The following KIF26B variants were observed in gnomAD, a reference collection of about 807,000 sequenced individuals.
KIF26B encodes the protein kinesin family member 26B, also known as kinesin-like protein KIF26B.
KIF26B carries 63 observed loss-of-function variants against 151.2 expected under a neutral mutation model. The observed-to-expected ratio is 0.42, with a 90% CI of 0.34 to 0.51. The LOEUF is 0.51. KIF26B is among the 20% of genes least tolerant of loss of function. The probability of loss-of-function intolerance (pLI) is 0.07; values close to 1 mark genes in which losing one functional copy is unlikely to be tolerated. For synonymous variants in KIF26B, 1,357 were observed against 1,262.1 expected (o/e 1.08, Z -1.59); for missense variants, 2,813 against 2,913.6 (o/e 0.97, Z 0.79).
intron 4 of KIF26B, among the ~76,000 whole-genome samples, chr1:245,423,910 C>T (rs1251381614): frequency 6.6e-6 from 1 of 152,088 alleles, no homozygotes. Context: ...GTAATCACAG[C>T]TCACTGCAGC....
Position 245,445,585 on chromosome 1 carries a change from G to A in KIF26B, c.1166+25840G>A, listed in dbSNP as rs139266480. Among the ~76,000 whole-genome samples, 5 of 152,296 alleles carry A rather than the reference G, an allele frequency of 3.3e-5. No homozygotes were observed. The East Asian group carries it at 9.6e-4, about 29-fold the overall frequency. Reference sequence around the variant, plus strand: ...GTTGAAGCTGAGTGACAGACACATAGGCTATTCTATTTTTGTATATGTTTA... The same window carrying A: ...GTTGAAGCTGAGTGACAGACACATAAGCTATTCTATTTTTGTATATGTTTA... On this transcript the variant is annotated intron_variant, in intron 4 of 14. Transcript: ENST00000407071.
chr1:245,634,656 A>G (rs77996261), intron 9 of KIF26B, among the ~76,000 whole-genome samples: 4,384 of 152,170 alleles, frequency 0.029, 217 homozygotes, highest in African/African-American at 0.099. Context: ...TCAACCTTGC[A>G]TTCCTGAAAT....
chr1:245,615,149 T>A (rs986123580), intron 9 of KIF26B: 1 of 152,168 alleles, frequency 6.6e-6, no homozygotes, highest in African/African-American at 2.4e-5. Flanking sequence ...TGACAAATGT[T>A]TAGTTTATTC....
intron 10 of KIF26B, among the ~76,000 whole-genome samples, chr1:245,652,138 GTGTGT>G (rs1558252851): frequency 6.5e-5 from 9 of 137,746 alleles, no homozygotes; most frequent in African/African-American, 1.5e-4. Context: ...GTGTGTGTGT[GTGTGT>G]GTGAGAGAGA....
At chr1:245,190,785 C>T (rs376863584) in intron 2 of KIF26B, among the ~76,000 whole-genome samples, 4 of 151,688 alleles carry the variant, frequency 2.6e-5, no homozygotes, top group Admixed American at 6.6e-5. Context: ...CCAGGCTGGG[C>T]GTGGTGGCTC....
At chr1:245,295,020 A>C (rs1458079549) in intron 2 of KIF26B, among the ~76,000 whole-genome samples, 1 of 152,124 alleles carries the variant, frequency 6.6e-6, no homozygotes. Flanking sequence ...GACTGCTCTC[A>C]TATTTTCTAA....
chr1:245,388,438 G>A (rs1176744027), intron 3 of KIF26B, among the ~76,000 whole-genome samples: 2 of 152,298 alleles, frequency 1.3e-5, no homozygotes, highest in South Asian at 2.1e-4. Flanking sequence ...TCACATTGAC[G>A]TCCCAGTCCT....
At chr1:245,578,216 G>GGA (rs2043144144) in intron 5 of KIF26B, among the ~76,000 whole-genome samples, 1 of 152,238 alleles carries the variant, frequency 6.6e-6, no homozygotes, top group South Asian at 2.1e-4. Context: ...AAGAACAGAA[G>GGA]AGGCGGAGGA....
intron 9 of KIF26B, among the ~76,000 whole-genome samples, chr1:245,642,606 T>C (rs2043905437): frequency 6.8e-6 from 1 of 147,858 alleles, no homozygotes; most frequent in Non-Finnish European, 1.5e-5. Context: ...CTGGCATACC[T>C]GCCACATTGG....
intron 5 of KIF26B, among the ~76,000 whole-genome samples, chr1:245,547,615 C>A (rs1008623487): frequency 1.4e-5 from 2 of 147,090 alleles, no homozygotes; most frequent in African/African-American, 5.0e-5. Context: ...AAGTGTGAAG[C>A]CATTTTCATT....
chr1:245,620,639 C>T (rs181757864), intron 9 of KIF26B, among the ~76,000 whole-genome samples: 24 of 152,194 alleles, frequency 1.6e-4, no homozygotes, highest in Admixed American at 1.3e-3. Flanking sequence ...TGAGCTCAGG[C>T]GATCCACCTG....
chr1:245,285,544 C>T (rs1573753203), intron 2 of KIF26B, among the ~76,000 whole-genome samples: 3 of 150,980 alleles, frequency 2.0e-5, no homozygotes, highest in South Asian at 4.2e-4. Flanking sequence ...CAAACGTTTA[C>T]ATTTCCTGAG....
At chr1:245,669,976 G>A (rs1040947736) in intron 10 of KIF26B, among the ~76,000 whole-genome samples, 6 of 152,090 alleles carry the variant, frequency 3.9e-5, no homozygotes, top group African/African-American at 1.4e-4. Context: ...GGACATTGGA[G>A]ACTCCGAAGG....
intron 4 of KIF26B, among the ~76,000 whole-genome samples, chr1:245,444,113 CCTA>C (rs1659189990): frequency 1.2e-5 from 1 of 83,372 alleles, no homozygotes; most frequent in Non-Finnish European, 2.9e-5. Context: ...TCACTGTTCA[CCTA>C]GAGCGGTCAT....
At chr1:245,473,713 A>G (rs951784752) in intron 4 of KIF26B, among the ~76,000 whole-genome samples, 5 of 151,952 alleles carry the variant, frequency 3.3e-5, no homozygotes, top group Admixed American at 1.3e-4. Flanking sequence ...TACAACAAAT[A>G]GGATTATACA....
At chr1:245,322,113 A>T (rs1400024321) in intron 2 of KIF26B, among the ~76,000 whole-genome samples, 1 of 152,198 alleles carries the variant, frequency 6.6e-6, no homozygotes, top group Non-Finnish European at 1.5e-5. Flanking sequence ...CAACAAACTA[A>T]CACAGGAACA....
chr1:245,632,468 A>G (rs909649331), intron 9 of KIF26B, among the ~76,000 whole-genome samples: 6 of 152,222 alleles, frequency 3.9e-5, no homozygotes, highest in African/African-American at 1.4e-4. Flanking sequence ...TATTCCATGT[A>G]CTGATAATAA....
intron 2 of KIF26B, among the ~76,000 whole-genome samples, chr1:245,259,934 C>CAAAAA (rs35913005): frequency 2.8e-5 from 2 of 72,014 alleles, no homozygotes; most frequent in African/African-American, 5.5e-5. Context: ...GGTCCTGTCT[C>CAAAAA]AAAAAAAAAA....
At chr1:245,322,709 C>T (rs995870858) in intron 2 of KIF26B, among the ~76,000 whole-genome samples, 1 of 152,066 alleles carries the variant, frequency 6.6e-6, no homozygotes, top group Non-Finnish European at 1.5e-5. Context: ...ATTAAAGATG[C>T]CCCGAGTGAC....
Sources: gnomAD v4.1 joint callset for allele counts (sites outside exome capture counted in the v4.1 genomes callset) on GRCh38, gnomAD v4.1.1 for gene constraint, MANE v1.5 for transcripts, NCBI Gene and HGNC (gene_info 2026-07-23, HGNC 2026-07-21) for gene names.